Variants in SGMS1 observed in about 807,000 individuals in gnomAD.
SGMS1 encodes the protein sphingomyelin synthase 1.
SGMS1 carries 13 observed loss-of-function variants against 46.2 expected under a neutral mutation model. The observed-to-expected ratio is 0.28, with a 90% CI of 0.18 to 0.45. SGMS1 has a LOEUF of 0.45. Among genes scored for constraint, SGMS1 ranks in the 20% least tolerant of loss-of-function variants. SGMS1 has a pLI of 1.00. For missense variants in SGMS1, 324 were observed against 519.9 expected, an observed-to-expected ratio of 0.62 and a Z score of 3.66; for synonymous variants, 203 against 187.8, an observed-to-expected ratio of 1.08 and a Z score of -0.66.
intron 3 of SGMS1, among the ~76,000 whole-genome samples, chr10:50,512,008 T>C (rs940077492): frequency 6.6e-6 from 1 of 152,174 alleles, no homozygotes; most frequent in African/African-American, 2.4e-5. Flanking sequence ...TCAATAAACA[T>C]TCAGTGAATG....
At chr10:50,488,020 T>TTGATTG (rs1564926584) in intron 3 of SGMS1, among the ~76,000 whole-genome samples, 7 of 147,064 alleles carry the variant, frequency 4.8e-5, no homozygotes, top group African/African-American at 1.9e-4. Context: ...TTTATTTATT[T>TTGATTG]ATTTATTTAT....
intron 6 of SGMS1, among the ~76,000 whole-genome samples, chr10:50,354,958 A>C (rs1414048849): frequency 6.6e-6 from 1 of 152,192 alleles, no homozygotes; most frequent in African/African-American, 2.4e-5. Context: ...GCTGGAGAGG[A>C]TGTGGAGAAA....
Position 50,514,830 on chromosome 10 carries a change from T to G in SGMS1, c.-498+5001A>C, listed in dbSNP as rs546726573. Among the ~76,000 whole-genome samples, 15 of 151,464 alleles carry G rather than the reference T, an allele frequency of 9.9e-5. No individual in the cohort carries two copies. The South Asian group carries it at 3.2e-3, about 32-fold the overall frequency. On this transcript the variant is annotated intron_variant, in intron 3 of 10. Transcript: ENST00000361781. ...TAACCAAAGTCCTACAGACTATCAG[T>G]AGATCTTCAACTTGAACCCAGGCAG... is the stretch of plus-strand genomic sequence containing the variant.
chr10:50,514,682 A>G (rs1262605195), intron 3 of SGMS1, among the ~76,000 whole-genome samples: 1 of 152,218 alleles, frequency 6.6e-6, no homozygotes, highest in African/African-American at 2.4e-5. Context: ...AAGGTCCTCA[A>G]TAATTTTTAA....
intron 6 of SGMS1, among the ~76,000 whole-genome samples, chr10:50,385,165 T>C (rs1799616250): frequency 6.6e-6 from 1 of 152,198 alleles, no homozygotes; most frequent in Admixed American, 6.5e-5. Flanking sequence ...AGAAGTAATG[T>C]TGTGTTCCAC....
chr10:50,595,512 C>A (rs549995107), intron 1 of SGMS1, among the ~76,000 whole-genome samples: 1 of 152,144 alleles, frequency 6.6e-6, no homozygotes, highest in South Asian at 2.1e-4. Flanking sequence ...ACATCTCTAC[C>A]GGGTATGTAT....
Position 50,478,852 on chromosome 10 carries a change from T to C in SGMS1, c.-497-11920A>G, listed in dbSNP as rs981389391. Among the ~76,000 whole-genome samples, 9 of 152,252 alleles carry C rather than the reference T, an allele frequency of 5.9e-5. No individual in the cohort carries two copies. In the East Asian group the frequency reaches 1.5e-3, roughly 26 times the overall value. ...TCACACAAATGTAAAATTGCCCCTG[T>C]TGTAACCACATAGTGTACTTAGATT... On this transcript the variant is annotated intron_variant, in intron 3 of 10. Transcript: ENST00000361781.
chr10:50,603,431 T>C (rs1446645534), intron 1 of SGMS1, among the ~76,000 whole-genome samples: 4 of 152,236 alleles, frequency 2.6e-5, no homozygotes, highest in Non-Finnish European at 5.9e-5. Flanking sequence ...TCTCACTATC[T>C]GATACTCCTT....
intron 8 of SGMS1, among the ~76,000 whole-genome samples, chr10:50,316,559 G>A (rs1029779174): frequency 6.6e-6 from 1 of 152,166 alleles, no homozygotes; most frequent in East Asian, 1.9e-4. Context: ...CCTTGCAGAA[G>A]TAATATTATA....
chr10:50,368,503 C>T (rs957031460), intron 6 of SGMS1, among the ~76,000 whole-genome samples: 2 of 152,192 alleles, frequency 1.3e-5, no homozygotes, highest in Non-Finnish European at 2.9e-5. Flanking sequence ...ATTACTGGCA[C>T]CTGCCATCAT....
intron 3 of SGMS1, among the ~76,000 whole-genome samples, chr10:50,491,329 G>A (rs976518416): frequency 2.0e-5 from 3 of 152,034 alleles, no homozygotes; most frequent in African/African-American, 7.3e-5. Context: ...CTCTAGCCTG[G>A]GTGACAGAGT....
intron 2 of SGMS1, among the ~76,000 whole-genome samples, chr10:50,534,015 T>C (rs1359942312): frequency 6.6e-6 from 1 of 152,086 alleles, no homozygotes; most frequent in African/African-American, 2.4e-5. Context: ...TAAGACCATA[T>C]CTCAAGGAGA....
chr10:50,590,172 T>G lies in SGMS1; in HGVS notation c.-608A>C, dbSNP rs1170466637. ...ACTTACCTTTCAAATGATGGCTGTC[T>G]TCTTTCTCCTGATCAAAAATGAATG... On this transcript the variant is annotated 5_prime_UTR_variant, in exon 2 of 11. Coordinates refer to ENST00000361781, the MANE Select transcript of SGMS1 (RefSeq NM_147156.4). 6.6e-6 allele frequency: 1 copy of G among 152,374 alleles called. No homozygotes were observed. The highest frequency in any genetic ancestry group is 1.9e-4 in the East Asian group (1 of 5,342). 9.4% of individuals were successfully genotyped at this position (152,374 alleles called of 1,614,324 possible). A position where few individuals can be genotyped will look rare whatever the true frequency, so the allele number is the denominator to read the frequency against.
intron 3 of SGMS1, among the ~76,000 whole-genome samples, chr10:50,487,288 A>G (rs1450132977): frequency 6.6e-6 from 1 of 152,196 alleles, no homozygotes; most frequent in African/African-American, 2.4e-5. Flanking sequence ...AACAATGAGA[A>G]CACATGGACA....
intron 7 of SGMS1, chr10:50,342,578 A>G (rs1463746849): frequency 6.6e-6 from 1 of 152,242 alleles, no homozygotes; most frequent in Non-Finnish European, 1.5e-5. Context: ...CTCAGTGTGC[A>G]TTTTGTTTTC....
chr10:50,528,430 C>T (rs1837923888), intron 2 of SGMS1, among the ~76,000 whole-genome samples: 1 of 152,192 alleles, frequency 6.6e-6, no homozygotes, highest in Non-Finnish European at 1.5e-5. Context: ...AAATGATTGA[C>T]TCCAGGTCAC....
intron 5 of SGMS1, among the ~76,000 whole-genome samples, chr10:50,450,090 T>A (rs942546240): frequency 2.6e-5 from 4 of 152,306 alleles, no homozygotes; most frequent in East Asian, 1.9e-4. Flanking sequence ...GAATTTTTTT[T>A]AATAATGAGA....
intron 3 of SGMS1, among the ~76,000 whole-genome samples, chr10:50,469,463 C>T (rs1395918345): frequency 6.6e-6 from 1 of 152,160 alleles, no homozygotes; most frequent in Non-Finnish European, 1.5e-5. Context: ...TTTCAGTGGA[C>T]ATATGCCATG....
Position 50,365,255 on chromosome 10 carries a change from C to CAAAAAAAAAAAAAAAAAAAAAAAAAAA in SGMS1, c.-231-20911_-231-20910insTTTTTTTTTTTTTTTTTTTTTTTTTTT, listed in dbSNP as rs67951872. 3.3e-3 allele frequency among the ~76,000 whole-genome samples: 150 copies of CAAAAAAAAAAAAAAAAAAAAAAAAAAA among 45,024 alleles called. 12 individuals are homozygous for CAAAAAAAAAAAAAAAAAAAAAAAAAAA. Among genetic ancestry groups the CAAAAAAAAAAAAAAAAAAAAAAAAAAA allele is most frequent in the Non-Finnish European group, 5.1e-3 (119 of 23,366 alleles). The allele number at this position is 45,024 out of a possible 152,430, so 29.5% of individuals were successfully genotyped here. A position where few individuals can be genotyped will look rare whatever the true frequency, so the allele number is the denominator to read the frequency against. ...GCGACGGAGTGAGACTCCATCTCAC[C>CAAAAAAAAAAAAAAAAAAAAAAAAAAA]AAAAAAAAAAAAAAAAAAAAAAAGC... On this transcript the variant is annotated intron_variant, in intron 6 of 10. Coordinates refer to ENST00000361781, the MANE Select transcript of SGMS1 (RefSeq NM_147156.4).
Sources: allele counts gnomAD v4.1 joint callset (sites outside exome capture counted in the v4.1 genomes callset), GRCh38; gene constraint gnomAD v4.1.1; transcripts MANE v1.5; gene names NCBI Gene and HGNC (gene_info 2026-07-23, HGNC 2026-07-21).